The following ATP8A2 variants were observed in gnomAD, a reference collection of about 807,000 sequenced individuals.
The protein encoded by ATP8A2 is ATPase phospholipid transporting 8A2, also known as phospholipid-transporting ATPase IB.
In ATP8A2, 100 loss-of-function variants were observed where a neutral mutation model predicts 165.6. The observed-to-expected ratio is 0.60, with a 90% CI of 0.51 to 0.71. The LOEUF (loss-of-function observed/expected upper bound fraction) is 0.71. ATP8A2 is among the 30% of genes least tolerant of loss of function. The pLI, the probability that ATP8A2 is intolerant of heterozygous loss-of-function variation, is 0.00. For synonymous variants in ATP8A2, 543 were observed against 548.8 expected, an observed-to-expected ratio of 0.99 and a Z score of 0.15; for missense variants, 1,227 against 1,479.5, an observed-to-expected ratio of 0.83 and a Z score of 2.80.
intron 24 of ATP8A2, among the ~76,000 whole-genome samples, chr13:25,632,802 G>A (rs1429947007): frequency 6.6e-6 from 1 of 152,104 alleles, no homozygotes; most frequent in East Asian, 1.9e-4. Flanking sequence ...TGATGAGGGT[G>A]CCTTTTACTC....
intron 25 of ATP8A2, among the ~76,000 whole-genome samples, chr13:25,715,405 T>A (rs1361772331): frequency 6.6e-6 from 1 of 152,216 alleles, no homozygotes; most frequent in African/African-American, 2.4e-5. Context: ...ATTAGTATAC[T>A]CATACAGCAG....
intron 24 of ATP8A2, among the ~76,000 whole-genome samples, chr13:25,600,444 G>T (rs1425311841): frequency 6.6e-6 from 1 of 152,234 alleles, no homozygotes; most frequent in Non-Finnish European, 1.5e-5. Flanking sequence ...AGCTGGCACA[G>T]AAATGAATTT....
At position 25,862,343 on chromosome 13, in the gene ATP8A2, G is replaced by A; in HGVS notation, c.3118G>A (p.Val1040Met). 7.4e-6 allele frequency: 12 copies of A among 1,614,130 alleles called. No homozygotes were observed. The highest frequency in any genetic ancestry group is 1.1e-5 in the South Asian group (1 of 91,082). The change falls in exon 33 of 37, where the codon GTG (valine) becomes ATG (methionine). Residue 1040 changes from valine to methionine, a missense_variant. Physicochemically the swap from Val to Met is conservative, Grantham distance 21. This residue lies in a region of ATP8A2 where 260 missense variants were observed against 245.1 expected (regional missense o/e 1.06). Transcript: ENST00000381655. ...CTGGGGAAGCATGCTGACCTGGCTG[G>A]TGTTTTTTGGCATCTACTCGACCAT... ...AVWGSMLTWL[V>M]FFGIYSTIWP...
At chr13:25,648,727 A>G (rs931077997) in intron 24 of ATP8A2, among the ~76,000 whole-genome samples, 2 of 152,240 alleles carry the variant, frequency 1.3e-5, no homozygotes, top group African/African-American at 4.8e-5. Context: ...ACATCCTCCC[A>G]TAGACTTTAA....
chr13:25,762,865 A>C (rs540843072), intron 25 of ATP8A2, among the ~76,000 whole-genome samples: 2 of 152,322 alleles, frequency 1.3e-5, no homozygotes, highest in Admixed American at 1.3e-4. Context: ...TGATTAAATA[A>C]TTTTTTAAAA....
At chr13:25,584,245 C>A (rs573627098) in intron 23 of ATP8A2, among the ~76,000 whole-genome samples, 55 of 152,246 alleles carry the variant, frequency 3.6e-4, no homozygotes, top group Non-Finnish European at 3.7e-4. Context: ...GCATATACGT[C>A]CGGACATTTT....
chr13:25,526,314 C>T (rs542271395), intron 2 of ATP8A2, among the ~76,000 whole-genome samples: 8 of 152,132 alleles, frequency 5.3e-5, no homozygotes, highest in African/African-American at 1.4e-4. Flanking sequence ...ATCCTTGCTT[C>T]GTTTGTTCAG....
At chr13:26,005,502 T>C (rs1956720536) in intron 35 of ATP8A2, among the ~76,000 whole-genome samples, 1 of 152,086 alleles carries the variant, frequency 6.6e-6, no homozygotes, top group African/African-American at 2.4e-5. Context: ...AGTTTGTTCT[T>C]CCTTTTGTAG....
intron 35 of ATP8A2, among the ~76,000 whole-genome samples, chr13:25,995,314 C>T (rs1223414227): frequency 1.3e-5 from 2 of 150,562 alleles, no homozygotes; most frequent in African/African-American, 4.9e-5. Context: ...TGTTTTTAAC[C>T]TATCAGTTTT....
chr13:25,810,227 GCTAA>G (rs1454501856), intron 27 of ATP8A2, among the ~76,000 whole-genome samples: 1 of 152,096 alleles, frequency 6.6e-6, no homozygotes, highest in Non-Finnish European at 1.5e-5. Context: ...TAATCTTATT[GCTAA>G]CTAATTTGTA....
At chr13:25,943,664 G>C (rs1029919379) in intron 33 of ATP8A2, among the ~76,000 whole-genome samples, 3 of 152,148 alleles carry the variant, frequency 2.0e-5, no homozygotes, top group Non-Finnish European at 4.4e-5. Context: ...TTTGTAACCT[G>C]TCGATCTCTG....
chr13:25,792,310 G>GT (rs1427871346), intron 27 of ATP8A2, among the ~76,000 whole-genome samples: 1 of 152,150 alleles, frequency 6.6e-6, no homozygotes, highest in African/African-American at 2.4e-5. Flanking sequence ...TCAGCAGCAG[G>GT]TTTTGTCATC....
At chr13:25,927,430 G>C in intron 33 of ATP8A2, 1 of 350,030 alleles carries the variant, frequency 2.9e-6, no homozygotes, top group Non-Finnish European at 5.7e-6. Context: ...AGAATTCTGA[G>C]CTTTTCTGGG....
chr13:25,387,900 C>T (rs1305966518), intron 1 of ATP8A2, among the ~76,000 whole-genome samples: 1 of 151,872 alleles, frequency 6.6e-6, no homozygotes, highest in Non-Finnish European at 1.5e-5. Context: ...CCTGTCTCTA[C>T]TAAAAATATA....
chr13:25,583,250 A>G (rs369073705), intron 23 of ATP8A2, among the ~76,000 whole-genome samples: 3 of 152,286 alleles, frequency 2.0e-5, no homozygotes, highest in East Asian at 3.8e-4. Flanking sequence ...TATTTTTCAT[A>G]TAAGTTTGGC....
chr13:25,953,774 G>A lies in ATP8A2; in HGVS notation c.3184-7801G>A, dbSNP rs573024600. Among the ~76,000 whole-genome samples the A allele has an allele frequency of 4.3e-4, 65 of 152,198 alleles. No individual in the cohort carries two copies. Among genetic ancestry groups the A allele is most frequent in the East Asian group, 1.9e-3 (10 of 5,148 alleles). ...GATTGAGGAACTCCCTCCCCTAGCC[G>A]AGGGAAGCCGTGAGGGACTGTGCTG... On this transcript the variant is annotated intron_variant, in intron 33 of 36. Coordinates refer to ENST00000381655, the MANE Select transcript of ATP8A2 (RefSeq NM_016529.6). The surrounding 1 kb of genome is among the most constrained non-coding windows in gnomAD (Gnocchi z 6.7).
chr13:25,515,702 A>T (rs891099206), intron 2 of ATP8A2, among the ~76,000 whole-genome samples: 5 of 152,202 alleles, frequency 3.3e-5, no homozygotes, highest in African/African-American at 1.2e-4. Context: ...AGAAGTGGTA[A>T]ATGTGTTTCC....
At chr13:25,777,646 A>G (rs183000929) in intron 27 of ATP8A2, among the ~76,000 whole-genome samples, 3 of 152,362 alleles carry the variant, frequency 2.0e-5, no homozygotes, top group Admixed American at 2.0e-4. Context: ...TCTAAAGGCA[A>G]TTTGGCAAAT....
At chr13:25,778,746 G>A (rs1475999549) in intron 27 of ATP8A2, among the ~76,000 whole-genome samples, 3 of 151,996 alleles carry the variant, frequency 2.0e-5, no homozygotes, top group Non-Finnish European at 4.4e-5. Flanking sequence ...TCTCCGTCCC[G>A]TCACCTGCCC....
Sources: gnomAD v4.1 joint callset for allele counts (sites outside exome capture counted in the v4.1 genomes callset) on GRCh38, gnomAD v4.1.1 for gene constraint, gnomAD v4.1.1 regional missense constraint, Gnocchi (gnomAD v3.1) non-coding constraint, MANE v1.5 for transcripts, NCBI Gene and HGNC (gene_info 2026-07-23, HGNC 2026-07-21) for gene names.